The following DCC variants were observed in gnomAD, a reference collection of about 807,000 sequenced individuals.
DCC encodes the protein DCC netrin 1 receptor.
A neutral mutation model predicts 172.5 loss-of-function variants in DCC; 58 were observed. The ratio of observed to expected loss-of-function variants is 0.34; its 90% CI spans 0.27 to 0.42. DCC has a LOEUF of 0.42. Among genes scored for constraint, DCC ranks in the 10% least tolerant of loss-of-function variants. DCC has a pLI of 1.00. For synonymous variants in DCC, 709 were observed against 644.5 expected, an observed-to-expected ratio of 1.10 and a Z score of -1.52; for missense variants, 1,740 against 1,791.0, an observed-to-expected ratio of 0.97 and a Z score of 0.51.
chr18:53,125,249 T>C (rs1238109259), intron 7 of DCC, among the ~76,000 whole-genome samples: 2 of 152,074 alleles, frequency 1.3e-5, no homozygotes, highest in Non-Finnish European at 1.5e-5. Flanking sequence ...GGAGTTTTAT[T>C]TTGTTATCCT....
At chr18:53,015,291 G>A (rs1483983692) in intron 5 of DCC, among the ~76,000 whole-genome samples, 9 of 152,144 alleles carry the variant, frequency 5.9e-5, no homozygotes, top group Non-Finnish European at 1.3e-4. Flanking sequence ...CTAAAATCTT[G>A]GAACAGAGAG....
At chr18:53,262,355 G>A (rs79870966) in intron 12 of DCC, among the ~76,000 whole-genome samples, 1 of 152,116 alleles carries the variant, frequency 6.6e-6, no homozygotes, top group African/African-American at 2.4e-5. Context: ...ATTCTGTGGT[G>A]GTCTAACTCA....
intron 7 of DCC, among the ~76,000 whole-genome samples, chr18:53,106,364 T>C (rs1233380263): frequency 6.6e-6 from 1 of 151,910 alleles, no homozygotes; most frequent in East Asian, 2.0e-4. Flanking sequence ...CTTGCCTGCC[T>C]GGTACTGGGA....
At chr18:52,747,885 A>G (rs2036931241) in intron 1 of DCC, among the ~76,000 whole-genome samples, 2 of 152,320 alleles carry the variant, frequency 1.3e-5, no homozygotes, top group African/African-American at 4.8e-5. Flanking sequence ...AGTTAAAGGT[A>G]GCCTTGCCTA....
At chr18:52,575,057 A>G (rs1047899161) in intron 1 of DCC, among the ~76,000 whole-genome samples, 1 of 152,154 alleles carries the variant, frequency 6.6e-6, no homozygotes, top group Non-Finnish European at 1.5e-5. Flanking sequence ...ATAAGGATTA[A>G]GAGTCATAGC....
At chr18:52,686,228 T>G (rs1568041302) in intron 1 of DCC, among the ~76,000 whole-genome samples, 2 of 151,348 alleles carry the variant, frequency 1.3e-5, no homozygotes, top group African/African-American at 2.5e-5. Flanking sequence ...CACTTAACAC[T>G]TACTCCTGTT....
intron 1 of DCC, among the ~76,000 whole-genome samples, chr18:52,749,796 T>A (rs1249764802): frequency 6.6e-6 from 1 of 152,196 alleles, no homozygotes; most frequent in Non-Finnish European, 1.5e-5. Flanking sequence ...GTGCTTAACA[T>A]GAGGTTGTGT....
At chr18:53,173,545 C>G (rs1345391404) in intron 8 of DCC, among the ~76,000 whole-genome samples, 1 of 152,094 alleles carries the variant, frequency 6.6e-6, no homozygotes, top group Non-Finnish European at 1.5e-5. Context: ...TCTGATAAAA[C>G]AGACTTTAAA....
intron 12 of DCC, among the ~76,000 whole-genome samples, chr18:53,232,429 T>C (rs558792743): frequency 7.6e-4 from 115 of 152,154 alleles, no homozygotes; most frequent in Non-Finnish European, 8.1e-4. Flanking sequence ...TATGGACTTA[T>C]TATGGATCTG....
intron 2 of DCC, among the ~76,000 whole-genome samples, chr18:52,814,443 C>T (rs1204618977): frequency 6.6e-6 from 1 of 152,172 alleles, no homozygotes; most frequent in East Asian, 1.9e-4. Context: ...CTGACACCTC[C>T]TCTTTCAGGC....
intron 1 of DCC, among the ~76,000 whole-genome samples, chr18:52,669,845 A>AAAAAC (rs906701436): frequency 2.1e-4 from 31 of 150,638 alleles, no homozygotes; most frequent in Middle Eastern, 3.4e-3. Flanking sequence ...AAGCGTTTGA[A>AAAAAC]AAAACAAAAC....
At chr18:52,462,351 A>AT (rs1438698783) in intron 1 of DCC, among the ~76,000 whole-genome samples, 1 of 152,046 alleles carries the variant, frequency 6.6e-6, no homozygotes, top group African/African-American at 2.4e-5. Flanking sequence ...AAGCCCTTCC[A>AT]ATGCCCTAAA....
At chr18:52,807,413 G>C (rs2038108441) in intron 2 of DCC, among the ~76,000 whole-genome samples, 2 of 152,148 alleles carry the variant, frequency 1.3e-5, no homozygotes. Flanking sequence ...TGCTCCCTGT[G>C]ATATTAATAC....
chr18:53,255,017 A>G (rs535580410), intron 12 of DCC, among the ~76,000 whole-genome samples: 77 of 152,022 alleles, frequency 5.1e-4, no homozygotes, highest in Non-Finnish European at 9.7e-4. Context: ...CTGCAGGTTG[A>G]CCCACTCCTC....
chr18:53,184,519 A>G (rs1052186820), intron 9 of DCC, among the ~76,000 whole-genome samples: 7 of 152,106 alleles, frequency 4.6e-5, no homozygotes, highest in African/African-American at 1.7e-4. Context: ...CCTAGGCTAT[A>G]TGGTATAGCC....
intron 1 of DCC, among the ~76,000 whole-genome samples, chr18:52,401,602 G>A (rs1287278248): frequency 6.6e-6 from 1 of 151,942 alleles, no homozygotes; most frequent in African/African-American, 2.4e-5. Context: ...CTCAGCCTTT[G>A]CCTTTTATAG....
At chr18:53,156,109 C>T (rs1176020004) in intron 7 of DCC, among the ~76,000 whole-genome samples, 3 of 152,118 alleles carry the variant, frequency 2.0e-5, no homozygotes, top group South Asian at 2.1e-4. Context: ...TTATTAAACT[C>T]GGTGTCAGTG....
chr18:52,673,658 AG>A (rs529921666), intron 1 of DCC, among the ~76,000 whole-genome samples: 399 of 152,272 alleles, frequency 2.6e-3, no homozygotes, highest in Non-Finnish European at 4.1e-3. Context: ...GGAGTAAATA[AG>A]GCCTTTTTTG....
At position 53,452,882 on chromosome 18, in the gene DCC, TTTAG is replaced by T. The variant is rs529883181; in HGVS notation, c.3392+2222_3392+2225del. 1.4e-3 allele frequency among the ~76,000 whole-genome samples: 204 copies of T among 147,868 alleles called. 2 individuals carry two copies. The highest frequency in any genetic ancestry group is 4.9e-3 in the African/African-American group (192 of 39,390). On this transcript the variant is annotated intron_variant, in intron 23 of 28. Transcript: ENST00000442544. ...CCTTCAAGTTATTTCTGAACTATAG[TTTAG>T]TGGGGTTTGTTTGTTTGTTTGTTTG... is the stretch of plus-strand genomic sequence containing the variant.
Sources: allele counts gnomAD v4.1 joint callset (sites outside exome capture counted in the v4.1 genomes callset), GRCh38; gene constraint gnomAD v4.1.1; transcripts MANE v1.5; gene names NCBI Gene and HGNC (gene_info 2026-07-23, HGNC 2026-07-21).